GPHN: variants seen among roughly 807,000 people sequenced by gnomAD.
GPHN encodes the protein gephyrin.
A neutral mutation model predicts 95.5 loss-of-function variants in GPHN; 17 were observed. That is an observed-to-expected ratio of 0.18 (90% CI 0.12 to 0.27). The LOEUF (loss-of-function observed/expected upper bound fraction) is 0.27, where lower values mean the gene tolerates loss of function less well. Among genes scored for constraint, GPHN ranks in the 10% least tolerant of loss-of-function variants. The pLI is 1.00. For synonymous variants in GPHN, 320 were observed against 322.5 expected, an observed-to-expected ratio of 0.99 and a Z score of 0.08; for missense variants, 660 against 978.1, an observed-to-expected ratio of 0.67 and a Z score of 4.34.
chr14:67,420,174 C>G, the GPHN span, among the ~76,000 whole-genome samples: 1 of 152,216 alleles, frequency 6.6e-6, no homozygotes, highest in Admixed American at 6.5e-5. Flanking sequence ...GCAGGCACTG[C>G]CCAGAAAGTC....
rs184011807 is a variant in GPHN, at chr14:66,996,949, A to G, written c.964-26684A>G. ...ATAAATGAGTTTTCTTGTTTTCAAA[A>G]AGCAGATTTATTGAAATATTATTAA... On this transcript the variant is annotated intron_variant, in intron 9 of 22. Coordinates refer to ENST00000478722, the MANE Select transcript of GPHN (RefSeq NM_020806.5). Among the ~76,000 whole-genome samples the G allele has an allele frequency of 5.3e-5, 8 of 152,286 alleles. No homozygotes were observed. The East Asian group carries it at 9.6e-4, about 18-fold the overall frequency.
At chr14:67,253,821 A>G in the GPHN span, among the ~76,000 whole-genome samples, 1 of 151,942 alleles carries the variant, frequency 6.6e-6, no homozygotes, top group African/African-American at 2.4e-5. Flanking sequence ...AGTCTGGGCA[A>G]CAGTGAGACC....
At chr14:66,842,501 TG>T (rs2062140297) in intron 4 of GPHN, among the ~76,000 whole-genome samples, 2 of 152,096 alleles carry the variant, frequency 1.3e-5, no homozygotes, top group Non-Finnish European at 2.9e-5. Context: ...TGGGGAATGA[TG>T]GGGTGAGGGC....
chr14:67,696,517 A>G, the GPHN span, among the ~76,000 whole-genome samples: 1 of 152,206 alleles, frequency 6.6e-6, no homozygotes, highest in Non-Finnish European at 1.5e-5. Context: ...TATGGTGGCA[A>G]CTATCATGAT....
chr14:66,754,328 T>G (rs2058483035), intron 2 of GPHN, among the ~76,000 whole-genome samples: 1 of 152,012 alleles, frequency 6.6e-6, no homozygotes, highest in Non-Finnish European at 1.5e-5. Context: ...CACCAGAAAT[T>G]TATGAGGGAA....
intron 1 of GPHN, among the ~76,000 whole-genome samples, chr14:66,548,928 T>G (rs1463858987): frequency 3.3e-5 from 5 of 152,168 alleles, no homozygotes; most frequent in African/African-American, 1.2e-4. Flanking sequence ...AATAACAAAT[T>G]TTCATATTTC....
chr14:67,405,224 C>CAAAAAAAA, the GPHN span, among the ~76,000 whole-genome samples: 1 of 40,482 alleles, frequency 2.5e-5, no homozygotes, highest in African/African-American at 8.9e-5. Context: ...GAGTCCATCT[C>CAAAAAAAA]AAAAAAAAAA....
intron 1 of GPHN, among the ~76,000 whole-genome samples, chr14:66,531,235 C>A (rs985548212): frequency 1.3e-5 from 2 of 152,106 alleles, no homozygotes; most frequent in Non-Finnish European, 2.9e-5. Context: ...CATGAGACAC[C>A]ATGCTTGGCC....
the GPHN span, chr14:67,570,370 C>T: frequency 1.2e-6 from 1 of 847,336 alleles, no homozygotes; most frequent in Non-Finnish European, 1.4e-6. Context: ...CGTAACGTCA[C>T]TACATTTTAA....
intron 1 of GPHN, among the ~76,000 whole-genome samples, chr14:66,599,472 C>A (rs2062135087): frequency 7.7e-6 from 1 of 129,902 alleles, no homozygotes; most frequent in Admixed American, 8.5e-5. Context: ...ATTATTTTAA[C>A]TAAGCAGGTT....
chr14:67,463,892 A>C, the GPHN span, among the ~76,000 whole-genome samples: 1 of 152,132 alleles, frequency 6.6e-6, no homozygotes, highest in Non-Finnish European at 1.5e-5. Flanking sequence ...TGTCTGAGTC[A>C]ATACCTCTGC....
intron 4 of GPHN, among the ~76,000 whole-genome samples, chr14:66,857,119 T>C (rs941143621): frequency 6.6e-6 from 1 of 152,092 alleles, no homozygotes; most frequent in African/African-American, 2.4e-5. Context: ...CAGTCAGTAA[T>C]ATGTGTCAAA....
At chr14:66,852,160 A>G (rs1980573) in intron 4 of GPHN, among the ~76,000 whole-genome samples, 10,335 of 152,278 alleles carry the variant, frequency 0.068, 851 homozygotes, top group African/African-American at 0.19. Context: ...GAACTTACAG[A>G]AAAACAGATA....
the GPHN span, among the ~76,000 whole-genome samples, chr14:67,342,935 T>C: frequency 6.6e-6 from 1 of 152,020 alleles, no homozygotes; most frequent in African/African-American, 2.4e-5. Flanking sequence ...AGATGGAAAA[T>C]AAGTGCATCA....
chr14:67,231,208 GGA>G, the GPHN span, among the ~76,000 whole-genome samples: 1 of 152,180 alleles, frequency 6.6e-6, no homozygotes, highest in African/African-American at 2.4e-5. Flanking sequence ...TGAAGATTTA[GGA>G]GACAAAACTA....
At chr14:67,426,381 C>T in the GPHN span, among the ~76,000 whole-genome samples, 1 of 151,998 alleles carries the variant, frequency 6.6e-6, no homozygotes, top group African/African-American at 2.4e-5. Flanking sequence ...GGCTGTGAAA[C>T]CTTTGAAAGT....
chr14:67,168,832 T>G, intron 20 of GPHN, 101 bp from the exon 21 acceptor site: 1 of 814,108 alleles, frequency 1.2e-6, no homozygotes. Flanking sequence ...TAGTGCCTAG[T>G]CACTTCCGTC....
At chr14:67,349,572 C>T in the GPHN span, among the ~76,000 whole-genome samples, 5 of 152,166 alleles carry the variant, frequency 3.3e-5, no homozygotes, top group African/African-American at 4.8e-5. Context: ...CGATAGCTCA[C>T]GCCTGTAATC....
At chr14:67,097,419 G>A (rs1723271440) in intron 12 of GPHN, among the ~76,000 whole-genome samples, 1 of 152,112 alleles carries the variant, frequency 6.6e-6, no homozygotes, top group Admixed American at 6.6e-5. Context: ...TAAGATATAA[G>A]GAAGACATGA....
Sources: allele counts gnomAD v4.1 joint callset (sites outside exome capture counted in the v4.1 genomes callset), GRCh38; gene constraint gnomAD v4.1.1; transcripts MANE v1.5; gene names NCBI Gene and HGNC (gene_info 2026-07-23, HGNC 2026-07-21).